LOC122539214: variants seen among roughly 807,000 people sequenced by gnomAD.
At chr19:52,672,387 T>C in the LOC122539214 span, among the ~76,000 whole-genome samples, 1 of 152,220 alleles carries the variant, frequency 6.6e-6, no homozygotes, top group African/African-American at 2.4e-5. Context: ...CAAACACTAG[T>C]AATTAGCTAA....
At chr19:52,655,302 G>C in the LOC122539214 span, 521 of 339,114 alleles carry the variant, frequency 1.5e-3, 6 homozygotes, top group African/African-American at 0.011. Context: ...GCTACCAGGG[G>C]CATCTCTGCT....
At chr19:52,680,342 T>C in the LOC122539214 span, among the ~76,000 whole-genome samples, 1 of 152,144 alleles carries the variant, frequency 6.6e-6, no homozygotes, top group Non-Finnish European at 1.5e-5. Flanking sequence ...CTTCCCTGTA[T>C]AAAGCCCTCT....
the LOC122539214 span, among the ~76,000 whole-genome samples, chr19:52,684,634 G>C: frequency 1.3e-5 from 2 of 151,752 alleles, no homozygotes; most frequent in Admixed American, 1.3e-4. Context: ...ACGTGATAGA[G>C]ACTGGTGGGC....
At chr19:52,660,579 G>T in the LOC122539214 span, among the ~76,000 whole-genome samples, 1 of 152,170 alleles carries the variant, frequency 6.6e-6, no homozygotes, top group South Asian at 2.1e-4. Flanking sequence ...GATTGCTCCA[G>T]TGAACTCCAG....
chr19:52,687,459 A>T, the LOC122539214 span, among the ~76,000 whole-genome samples: 147 of 84,264 alleles, frequency 1.7e-3, 1 homozygote, highest in African/African-American at 9.5e-3. Context: ...TTATAATATA[A>T]ATTATAATTT....
At chr19:52,678,937 T>C in the LOC122539214 span, among the ~76,000 whole-genome samples, 4 of 149,698 alleles carry the variant, frequency 2.7e-5, no homozygotes, top group Admixed American at 2.7e-4. Context: ...ATCACACAAC[T>C]GCCTCCACCC....
At chr19:52,668,091 C>T in the LOC122539214 span, among the ~76,000 whole-genome samples, 3 of 152,182 alleles carry the variant, frequency 2.0e-5, no homozygotes, top group Non-Finnish European at 4.4e-5. Context: ...TTATCCTCCA[C>T]CTTCTCTTCC....
the LOC122539214 span, among the ~76,000 whole-genome samples, chr19:52,656,226 C>A: frequency 0.15 from 21,116 of 144,824 alleles, 1,663 homozygotes; most frequent in African/African-American, 0.23. Context: ...CTCTCTCTCT[C>A]TATATATATA....
chr19:52,680,729 C>T, the LOC122539214 span, among the ~76,000 whole-genome samples: 2 of 142,168 alleles, frequency 1.4e-5, no homozygotes, highest in Admixed American at 6.9e-5. Flanking sequence ...TCTCCTGCCT[C>T]AGCCTCCCGA....
chr19:52,652,752 T>C, the LOC122539214 span: 2 of 786,466 alleles, frequency 2.5e-6, no homozygotes, highest in Admixed American at 2.0e-5. Context: ...CATGGATTGC[T>C]TGATGATGAA....
At chr19:52,656,864 C>CAAAAAA in the LOC122539214 span, among the ~76,000 whole-genome samples, 18 of 136,622 alleles carry the variant, frequency 1.3e-4, 1 homozygote, top group South Asian at 2.6e-4. Flanking sequence ...GACTCCGTCT[C>CAAAAAA]AAAAAAAAAA....
At chr19:52,667,789 C>A in the LOC122539214 span, among the ~76,000 whole-genome samples, 1 of 152,072 alleles carries the variant, frequency 6.6e-6, no homozygotes, top group Non-Finnish European at 1.5e-5. Flanking sequence ...AAAAATCTTA[C>A]CTTATGGTCA....
the LOC122539214 span, among the ~76,000 whole-genome samples, chr19:52,671,446 CT>C: frequency 2.2e-4 from 33 of 148,284 alleles, no homozygotes; most frequent in South Asian, 3.6e-3. Context: ...TCAAGTTGTA[CT>C]TTTTTTTTTT....
chr19:52,684,556 G>A, the LOC122539214 span, among the ~76,000 whole-genome samples: 79,709 of 123,986 alleles, frequency 0.64, 23,384 homozygotes, highest in African/African-American at 0.73. Context: ...TCTAAAAAAA[G>A]AAAAAAAAAG....
chr19:52,653,209 T>C, the LOC122539214 span: 1 of 1,532,634 alleles, frequency 6.5e-7, no homozygotes. Flanking sequence ...ACTGAAGGTC[T>C]TGCCACACTC....
At chr19:52,680,606 A>ATT in the LOC122539214 span, among the ~76,000 whole-genome samples, 2,465 of 88,922 alleles carry the variant, frequency 0.028, 27 homozygotes, top group East Asian at 0.044. Context: ...TCCACAAAAT[A>ATT]TTTTTTTTTT....
At chr19:52,687,420 A>G in the LOC122539214 span, among the ~76,000 whole-genome samples, 4 of 46,040 alleles carry the variant, frequency 8.7e-5, 2 homozygotes, top group East Asian at 9.1e-4. Context: ...AAATTATAAT[A>G]TAAATTATAA....
At chr19:52,679,802 C>G in the LOC122539214 span, among the ~76,000 whole-genome samples, 14 of 152,250 alleles carry the variant, frequency 9.2e-5, no homozygotes, top group East Asian at 7.7e-4. Flanking sequence ...TTTATGCAAA[C>G]TCACTCCATA....
the LOC122539214 span, chr19:52,651,447 T>C: frequency 1.3e-5 from 2 of 152,034 alleles, no homozygotes; most frequent in East Asian, 3.9e-4. Flanking sequence ...TGCTCCAGTA[T>C]GTGGATGATA....
Sources: allele counts gnomAD v4.1 joint callset (sites outside exome capture counted in the v4.1 genomes callset), GRCh38; gene constraint gnomAD v4.1.1; transcripts MANE v1.5.